KMT2E: variants seen among roughly 807,000 people sequenced by gnomAD.
The protein encoded by KMT2E is lysine methyltransferase 2E (inactive), also known as histone reader KMT2E.
KMT2E carries 30 observed loss-of-function variants against 184.6 expected under a neutral mutation model. The observed-to-expected ratio is 0.16, with a 90% CI of 0.12 to 0.22. The LOEUF is 0.22. Among genes scored for constraint, KMT2E ranks in the 10% least tolerant of loss-of-function variants. The pLI, the probability that KMT2E is intolerant of heterozygous loss-of-function variation, is 1.00. For synonymous variants in KMT2E, 815 were observed against 776.5 expected, an observed-to-expected ratio of 1.05 and a Z score of -0.82; for missense variants, 2,023 against 2,237.4, an observed-to-expected ratio of 0.90 and a Z score of 1.93.
intron 14 of KMT2E, among the ~76,000 whole-genome samples, chr7:105,090,700 T>C (rs1009743325): frequency 2.0e-5 from 3 of 152,144 alleles, no homozygotes; most frequent in South Asian, 2.1e-4. Context: ...TAAGAACATA[T>C]AAGGTAATTT....
rs1462457278 is a variant in KMT2E, at chr7:105,094,630, C to T, written c.1722+3316C>T. On this transcript the variant is annotated intron_variant, in intron 15 of 26. Transcript: ENST00000311117. ...ATGTATTTATCAGATTGGAATACGACGAGTCAGTAATAACATCCTCCCAGA... is the reference window on the plus strand; with the variant it reads ...ATGTATTTATCAGATTGGAATACGATGAGTCAGTAATAACATCCTCCCAGA... 2.0e-5 allele frequency among the ~76,000 whole-genome samples: 3 copies of T among 152,124 alleles called. No homozygotes were observed. In the East Asian group the frequency reaches 5.8e-4, roughly 29 times the overall value.
At position 105,110,588 on chromosome 7, in the gene KMT2E, G is replaced by GTGAACTTATGGAAGGTCAGTAAGC; in HGVS notation, c.3957_3970+10dup. On this transcript the variant is annotated stop_gained and inframe_insertion, in exon 25 of 27. Coordinates refer to ENST00000311117, the MANE Select transcript of KMT2E (RefSeq NM_182931.3). LOFTEE classifies it high-confidence loss of function. ...GCTAAGGGCCCAGTCCCTTCTTTCA[G>GTGAACTTATGGAAGGTCAGTAAGC]TGAACTTATGGAAGGTCAGTAAGCA... 6.2e-7 allele frequency: 1 copy of GTGAACTTATGGAAGGTCAGTAAGC among 1,614,110 alleles called. No homozygotes were observed. Among genetic ancestry groups the GTGAACTTATGGAAGGTCAGTAAGC allele is most frequent in the East Asian group, 2.2e-5 (1 of 44,880 alleles).
In KMT2E at chr7:105,114,141, C is replaced by CTAGTT. The variant is rs1202766252; in HGVS notation, c.*810_*814dup. On this transcript the variant is annotated 3_prime_UTR_variant, in exon 27 of 27. Coordinates refer to ENST00000311117, the MANE Select transcript of KMT2E (RefSeq NM_182931.3). ...GGATCTGTGTGTTTCTACAGAAGTT[C>CTAGTT]TAGTTTTCAAATATAGATTGTAAGG... is the stretch of plus-strand genomic sequence containing the variant. 3 of 152,268 alleles carry CTAGTT rather than the reference C, an allele frequency of 2.0e-5. No individual in the cohort carries two copies. The South Asian group carries it at 6.2e-4, about 32-fold the overall frequency. 9.4% of individuals were successfully genotyped at this position (152,268 alleles called of 1,614,324 possible). A position where few individuals can be genotyped will look rare whatever the true frequency, so the allele number is the denominator to read the frequency against.
intron 2 of KMT2E, among the ~76,000 whole-genome samples, chr7:105,038,905 G>A (rs1405801566): frequency 1.3e-5 from 2 of 152,102 alleles, no homozygotes; most frequent in African/African-American, 4.8e-5. Context: ...GACCTCTTGT[G>A]AGTAAATTAC....
At chr7:105,077,480 G>T in intron 11 of KMT2E, 47 bp downstream of exon 11, 2 of 1,495,994 alleles carry the variant, frequency 1.3e-6, no homozygotes, top group South Asian at 2.4e-5. Flanking sequence ...GGTAAATATT[G>T]AACTTTTGGC....
chr7:105,016,655 G>A (rs1478065425), intron 1 of KMT2E, among the ~76,000 whole-genome samples: 2 of 152,198 alleles, frequency 1.3e-5, no homozygotes, highest in African/African-American at 2.4e-5. Flanking sequence ...ACTAAGCAGT[G>A]AGATGTGAGT....
chr7:105,031,733 C>A (rs1339058771), intron 1 of KMT2E, among the ~76,000 whole-genome samples: 1 of 151,252 alleles, frequency 6.6e-6, no homozygotes, highest in Non-Finnish European at 1.5e-5. Flanking sequence ...GCCTGGGTGA[C>A]AGAGTGAAAC....
At position 105,018,528 on chromosome 7, in the gene KMT2E, AAAT is replaced by A. The variant is rs542253301; in HGVS notation, c.-189+3994_-189+3996del. On this transcript the variant is annotated intron_variant, in intron 1 of 26. Transcript: ENST00000311117. ...ACTGTTCCCTGTTATGTGTTAGAAT[AAAT>A]GTTAAATACTTGTATTCTGTGAGAC... Among the ~76,000 whole-genome samples the A allele has an allele frequency of 4.6e-5, 7 of 152,332 alleles. No homozygotes were observed. In the South Asian group the frequency reaches 6.2e-4, roughly 14 times the overall value.
Position 105,112,140 on chromosome 7 carries a change from C to T in KMT2E, c.4384C>T (p.His1462Tyr). 6.2e-7 allele frequency: 1 copy of T among 1,614,186 alleles called. No homozygotes were observed. The highest frequency in any genetic ancestry group is 8.5e-7 in the Non-Finnish European group (1 of 1,180,026). The change falls in exon 27 of 27, where the codon CAT becomes TAT. Residue 1462 changes from histidine (H) to tyrosine (Y), a missense_variant. His to Tyr is a moderately conservative substitution (Grantham distance 83, BLOSUM62 2). Around this residue, in one of 8 missense-constraint regions of KMT2E, gnomAD observed 1,108 missense variants for 1,050.9 expected, o/e 1.05. Transcript: ENST00000311117. ...KSSTPHTPVQHGYLSPKPPSQ... is the reference protein window; with the variant it reads ...KSSTPHTPVQYGYLSPKPPSQ... ...ATCCACGCCTCACACACCTGTACAGCATGGTTATCTTTCACCAAAGCCTCC... is the reference window on the plus strand; with the variant it reads ...ATCCACGCCTCACACACCTGTACAGTATGGTTATCTTTCACCAAAGCCTCC...
At chr7:105,020,239 G>A (rs761098917) in intron 1 of KMT2E, among the ~76,000 whole-genome samples, 9 of 152,078 alleles carry the variant, frequency 5.9e-5, no homozygotes, top group Non-Finnish European at 1.2e-4. Flanking sequence ...TTAAGGTCAT[G>A]CCTGTCTAGC....
At chr7:105,042,682 A>G (rs1190648240) in intron 3 of KMT2E, among the ~76,000 whole-genome samples, 3 of 152,204 alleles carry the variant, frequency 2.0e-5, no homozygotes, top group African/African-American at 7.2e-5. Flanking sequence ...GAAATGCCAC[A>G]TGTGATGAAC....
chr7:105,078,830 G>C lies in KMT2E; in HGVS notation c.1131-16G>C. On this transcript the variant is annotated splice_polypyrimidine_tract_variant and intron_variant, in intron 11 of 26. Transcript: ENST00000311117. ...GCCTAAAATGTTAATAGCTTATAAT[G>C]TTTCTTTCTTTGTAGACCATACCCT... 1 of 1,411,426 alleles carries C rather than the reference G, an allele frequency of 7.1e-7. No individual in the cohort carries two copies. The highest frequency in any genetic ancestry group is 2.3e-5 in the East Asian group (1 of 43,816). The allele number at this position is 1,411,426 out of a possible 1,614,324, so 87.4% of individuals were successfully genotyped here.
At chr7:105,097,431 C>T (rs939285799) in intron 15 of KMT2E, among the ~76,000 whole-genome samples, 1 of 152,044 alleles carries the variant, frequency 6.6e-6, no homozygotes, top group African/African-American at 2.4e-5. Context: ...CGTTGCCAGG[C>T]CTGGAGTGCA....
chr7:105,067,333 A>G (rs569236443), intron 6 of KMT2E, among the ~76,000 whole-genome samples: 1 of 152,052 alleles, frequency 6.6e-6, no homozygotes, highest in Non-Finnish European at 1.5e-5. Context: ...GAGTTACTAG[A>G]TGAATACTCC....
intron 1 of KMT2E, among the ~76,000 whole-genome samples, chr7:105,016,162 T>G (rs1794709651): frequency 6.6e-6 from 1 of 152,218 alleles, no homozygotes; most frequent in Non-Finnish European, 1.5e-5. Context: ...GGATTTTGGT[T>G]TTTGTATTGT....
chr7:105,064,950 G>A (rs559793982), intron 5 of KMT2E, among the ~76,000 whole-genome samples: 5 of 151,896 alleles, frequency 3.3e-5, no homozygotes, highest in South Asian at 2.1e-4. Flanking sequence ...TTGATATAAC[G>A]GCGATGGTCT....
rs78894415 is a variant in KMT2E at position 105,020,699 on chromosome 7, T to A, written c.-189+6164T>A. 5.3e-5 allele frequency among the ~76,000 whole-genome samples: 8 copies of A among 152,378 alleles called. No homozygotes were observed. In the East Asian group the frequency reaches 1.5e-3, roughly 29 times the overall value. On this transcript the variant is annotated intron_variant, in intron 1 of 26. Coordinates refer to ENST00000311117, the MANE Select transcript of KMT2E (RefSeq NM_182931.3). ...TGTTTTCATAGGGTATTTAAAATAA[T>A]TTCCATTTAAAGTCTTAAAAATTTA...
rs762889388 is a variant in KMT2E at position 105,113,240 on chromosome 7, G to A, written c.5484G>A (p.Gln1828=). 2 of 1,614,224 alleles carry A rather than the reference G, an allele frequency of 1.2e-6. No individual in the cohort carries two copies. The highest frequency in any genetic ancestry group is 1.7e-6 in the Non-Finnish European group (2 of 1,180,042). Residue 1828 remains glutamine (Q), a synonymous_variant, in exon 27 of 27, where the codon CAG becomes CAA. Coordinates refer to ENST00000311117, the MANE Select transcript of KMT2E (RefSeq NM_182931.3). ...TGCCACATGGGGTTCAAGGACCTCA[G>A]CAGGCATCTCCAGTGCCTGGACAGA... ...VALPHGVQGP[Q]QASPVPGQIP... is the part of the protein sequence containing the mutation.
intron 3 of KMT2E, among the ~76,000 whole-genome samples, chr7:105,059,394 T>TA (rs1160734956): frequency 6.6e-6 from 1 of 152,222 alleles, no homozygotes; most frequent in African/African-American, 2.4e-5. Context: ...GTGTAATTTT[T>TA]AAAGAATTTA....
Sources: gnomAD v4.1 joint callset for allele counts (sites outside exome capture counted in the v4.1 genomes callset) on GRCh38, gnomAD v4.1.1 for gene constraint, gnomAD v4.1.1 regional missense constraint, MANE v1.5 for transcripts, NCBI Gene and HGNC (gene_info 2026-07-23, HGNC 2026-07-21) for gene names.